NFIA: variants seen among roughly 807,000 people sequenced by gnomAD.
The protein encoded by NFIA is nuclear factor I A, also known as nuclear factor 1 A-type.
NFIA carries 8 observed loss-of-function variants against 62.8 expected under a neutral mutation model. That is an observed-to-expected ratio of 0.13 (90% CI 0.07 to 0.23). The LOEUF is 0.23. Among genes scored for constraint, NFIA ranks in the 10% least tolerant of loss-of-function variants. The pLI is 1.00. For synonymous variants in NFIA, 235 were observed against 238.1 expected, an observed-to-expected ratio of 0.99 and a Z score of 0.12; for missense variants, 410 against 642.1, an observed-to-expected ratio of 0.64 and a Z score of 3.91.
chr1:61,126,413 C>G (rs1040184632), intron 2 of NFIA, among the ~76,000 whole-genome samples: 1 of 130,608 alleles, frequency 7.7e-6, no homozygotes, highest in African/African-American at 2.8e-5. Context: ...CCATCTTTTA[C>G]CTAGTTGGTT....
intron 2 of NFIA, among the ~76,000 whole-genome samples, chr1:61,152,335 T>G (rs1337122811): frequency 1.3e-5 from 2 of 152,166 alleles, no homozygotes; most frequent in Non-Finnish European, 2.9e-5. Context: ...CCTTGCACCC[T>G]GGGCCTCCTG....
chr1:61,435,349 C>T (rs1018428594), intron 10 of NFIA, among the ~76,000 whole-genome samples: 8 of 152,238 alleles, frequency 5.3e-5, no homozygotes, highest in African/African-American at 1.9e-4. Context: ...TGGTTTAAGC[C>T]AGTCAGGATT....
At chr1:61,176,390 T>A (rs1434685521) in intron 2 of NFIA, among the ~76,000 whole-genome samples, 1 of 152,210 alleles carries the variant, frequency 6.6e-6, no homozygotes, top group Non-Finnish European at 1.5e-5. Flanking sequence ...CCTCTTAAAT[T>A]GCCTTATAAA....
At chr1:61,353,539 A>C (rs1320031561) in intron 5 of NFIA, among the ~76,000 whole-genome samples, 1 of 152,238 alleles carries the variant, frequency 6.6e-6, no homozygotes, top group Non-Finnish European at 1.5e-5. Flanking sequence ...TGTACTTTGC[A>C]GAAAAATGTC....
At position 61,247,199 on chromosome 1, in the gene NFIA, A is replaced by G. The variant is rs1198154448; in HGVS notation, c.560-30321A>G. 3.9e-5 allele frequency among the ~76,000 whole-genome samples: 6 copies of G among 152,206 alleles called. No individual in the cohort carries two copies. In the East Asian group the frequency reaches 1.2e-3, roughly 29 times the overall value. On this transcript the variant is annotated intron_variant, in intron 2 of 10. Coordinates refer to ENST00000403491, the MANE Select transcript of NFIA (RefSeq NM_001134673.4). ...CAACTCCCAAAGTTACAACTCTATC[A>G]CAAAAAGAGTGTCAAGACACAACCC...
At chr1:61,313,380 G>A (rs552485888) in intron 3 of NFIA, among the ~76,000 whole-genome samples, 1 of 152,326 alleles carries the variant, frequency 6.6e-6, no homozygotes, top group Admixed American at 6.5e-5. Context: ...GGGTGACGCA[G>A]GAGCAGACAG....
At chr1:61,232,949 T>A (rs1348582897) in intron 2 of NFIA, among the ~76,000 whole-genome samples, 1 of 152,192 alleles carries the variant, frequency 6.6e-6, no homozygotes, top group Non-Finnish European at 1.5e-5. Context: ...AACCACTCTT[T>A]TAGTTCTGGT....
intron 2 of NFIA, among the ~76,000 whole-genome samples, chr1:61,191,533 A>G (rs933431415): frequency 1.3e-5 from 2 of 152,110 alleles, no homozygotes; most frequent in East Asian, 1.9e-4. Context: ...ACAGGCACCA[A>G]TTCAATTAGG....
At position 61,363,614 on chromosome 1, in the gene NFIA, A is replaced by AAC. The variant is rs1663421943; in HGVS notation, c.946+4341_946+4342insCA. 4.6e-5 allele frequency among the ~76,000 whole-genome samples: 7 copies of AAC among 151,812 alleles called. No individual in the cohort carries two copies. The South Asian group carries it at 1.5e-3, about 32-fold the overall frequency. On this transcript the variant is annotated intron_variant, in intron 6 of 10. Transcript: ENST00000403491. ...AGCAAAACTCCGTCAAAAAAAAAAA[A>AAC]AATTATAATAAGAAACAATAAATAA...
At chr1:61,137,049 A>G (rs1327185807) in intron 2 of NFIA, among the ~76,000 whole-genome samples, 3 of 152,202 alleles carry the variant, frequency 2.0e-5, no homozygotes, top group Non-Finnish European at 4.4e-5. Context: ...TAAATATGTG[A>G]GAATTGGATT....
intron 6 of NFIA, among the ~76,000 whole-genome samples, chr1:61,361,511 C>T (rs1159471396): frequency 6.7e-6 from 1 of 148,276 alleles, no homozygotes; most frequent in Non-Finnish European, 1.5e-5. Flanking sequence ...CATATTGAAG[C>T]TGCTTTATTA....
intron 10 of NFIA, among the ~76,000 whole-genome samples, chr1:61,448,373 C>T (rs986951787): frequency 5.4e-4 from 82 of 152,302 alleles, no homozygotes; most frequent in African/African-American, 1.9e-3. Context: ...CTACTTTTAA[C>T]TAAGAAATTA....
At chr1:61,092,191 T>C (rs1031688935) in intron 2 of NFIA, among the ~76,000 whole-genome samples, 1 of 152,242 alleles carries the variant, frequency 6.6e-6, no homozygotes, top group African/African-American at 2.4e-5. Context: ...TGAGCCATCT[T>C]CACTTTTTGC....
At chr1:61,403,618 A>C (rs1279465613) in intron 7 of NFIA, among the ~76,000 whole-genome samples, 1 of 152,178 alleles carries the variant, frequency 6.6e-6, no homozygotes, top group Admixed American at 6.5e-5. Flanking sequence ...ACTTCAAAAA[A>C]TTTTCATCCT....
rs535076792 is a variant in NFIA at position 61,305,669 on chromosome 1, C to G, written c.626-26843C>G. On this transcript the variant is annotated intron_variant, in intron 3 of 10. Transcript: ENST00000403491. ...AATAGGATGGAAACAGAAGGGAAGA[C>G]CATCCTGTCTTCAGGGCTTGCCCTC... Among the ~76,000 whole-genome samples, 3 of 152,202 alleles carry G rather than the reference C, an allele frequency of 2.0e-5. No homozygotes were observed. In the East Asian group the frequency reaches 5.8e-4, roughly 29 times the overall value.
At chr1:61,243,218 T>G (rs1005790623) in intron 2 of NFIA, among the ~76,000 whole-genome samples, 1 of 152,146 alleles carries the variant, frequency 6.6e-6, no homozygotes, top group Non-Finnish European at 1.5e-5. Flanking sequence ...TTAAGATGCT[T>G]CAGTTCTGGA....
At chr1:61,104,412 C>T (rs1005328107) in intron 2 of NFIA, among the ~76,000 whole-genome samples, 2 of 152,036 alleles carry the variant, frequency 1.3e-5, no homozygotes, top group Non-Finnish European at 2.9e-5. Flanking sequence ...GTGTTGGGCC[C>T]AGTTAGATAT....
At chr1:61,396,858 C>G (rs928193223) in intron 7 of NFIA, among the ~76,000 whole-genome samples, 1 of 151,936 alleles carries the variant, frequency 6.6e-6, no homozygotes, top group African/African-American at 2.4e-5. Context: ...AAAAATTAGC[C>G]AAGTGTGATG....
chr1:61,158,248 G>GA (rs893212410), intron 2 of NFIA, among the ~76,000 whole-genome samples: 2 of 151,958 alleles, frequency 1.3e-5, no homozygotes, highest in Non-Finnish European at 2.9e-5. Context: ...TTTTAAATTA[G>GA]AAAAAACCCT....
Sources: allele counts gnomAD v4.1 joint callset (sites outside exome capture counted in the v4.1 genomes callset), GRCh38; gene constraint gnomAD v4.1.1; transcripts MANE v1.5; gene names NCBI Gene and HGNC (gene_info 2026-07-23, HGNC 2026-07-21).